GRIN2B: variants seen among roughly 807,000 people sequenced by gnomAD.
The protein encoded by GRIN2B is glutamate ionotropic receptor NMDA type subunit 2B, also known as glutamate receptor ionotropic, NMDA 2B.
In GRIN2B, 5 loss-of-function variants were observed where a neutral mutation model predicts 114.5. The ratio of observed to expected loss-of-function variants is 0.04; its 90% confidence interval spans 0.02 to 0.09. GRIN2B has a LOEUF of 0.09. Ranked by LOEUF, GRIN2B falls within the 10% of genes least tolerant of loss-of-function variation. The probability of loss-of-function intolerance (pLI) is 1.00; values close to 1 mark genes in which losing one functional copy is unlikely to be tolerated. For missense variants in GRIN2B, 1,108 were observed against 1,943.5 expected (o/e 0.57, Z 8.08); for synonymous variants, 787 against 745.1 (o/e 1.06, Z -0.92).
At chr12:13,850,491 C>G (rs1469093547) in intron 3 of GRIN2B, among the ~76,000 whole-genome samples, 1 of 152,204 alleles carries the variant, frequency 6.6e-6, no homozygotes. Flanking sequence ...AGCTGCAGCT[C>G]CCAGGCCCCA....
chr12:13,605,197 G>A (rs1949222589), intron 10 of GRIN2B, among the ~76,000 whole-genome samples: 3 of 151,946 alleles, frequency 2.0e-5, no homozygotes, highest in African/African-American at 4.8e-5. Flanking sequence ...CGGAAGATAC[G>A]TGTTATAATA....
At chr12:13,706,141 A>G (rs1221838949) in intron 4 of GRIN2B, among the ~76,000 whole-genome samples, 1 of 152,072 alleles carries the variant, frequency 6.6e-6, no homozygotes, top group South Asian at 2.1e-4. Context: ...TGCCACCAAG[A>G]CCTCTAGAGG....
intron 10 of GRIN2B, among the ~76,000 whole-genome samples, chr12:13,596,914 A>G (rs1949081101): frequency 6.6e-6 from 1 of 152,198 alleles, no homozygotes; most frequent in South Asian, 2.1e-4. Context: ...CAGAGGCTTT[A>G]TTAGATTCTG....
intron 2 of GRIN2B, among the ~76,000 whole-genome samples, chr12:13,940,945 G>T (rs1867236951): frequency 6.6e-6 from 1 of 152,018 alleles, no homozygotes; most frequent in African/African-American, 2.4e-5. Context: ...GGACTTTGGG[G>T]CTCCAATTCA....
chr12:13,781,951 TTCTG>T (rs1200219040), intron 3 of GRIN2B, among the ~76,000 whole-genome samples: 8 of 152,206 alleles, frequency 5.3e-5, no homozygotes, highest in Admixed American at 4.6e-4. Context: ...ATTGAGTCAG[TTCTG>T]TCTGACATGA....
At chr12:13,686,924 G>C (rs946391705) in intron 4 of GRIN2B, among the ~76,000 whole-genome samples, 1 of 152,146 alleles carries the variant, frequency 6.6e-6, no homozygotes, top group African/African-American at 2.4e-5. Flanking sequence ...CTCCCTTGGG[G>C]ATAAGTTCCT....
intron 3 of GRIN2B, among the ~76,000 whole-genome samples, chr12:13,756,312 C>T (rs918375878): frequency 2.6e-5 from 4 of 152,188 alleles, no homozygotes; most frequent in Non-Finnish European, 5.9e-5. Context: ...CTGCGCCCAT[C>T]CAAATTTCTG....
intron 5 of GRIN2B, among the ~76,000 whole-genome samples, chr12:13,642,050 A>T (rs966773666): frequency 6.6e-6 from 1 of 152,030 alleles, no homozygotes; most frequent in Non-Finnish European, 1.5e-5. Flanking sequence ...TTAGCTGGGC[A>T]TGGTAGCGCA....
chr12:13,940,856 T>C (rs539963500), intron 2 of GRIN2B, among the ~76,000 whole-genome samples: 1 of 151,764 alleles, frequency 6.6e-6, no homozygotes, highest in South Asian at 2.1e-4. Flanking sequence ...CCCTGACATA[T>C]ACCCCACAAT....
At chr12:13,907,719 T>A (rs1421951978) in intron 2 of GRIN2B, among the ~76,000 whole-genome samples, 1 of 152,200 alleles carries the variant, frequency 6.6e-6, no homozygotes, top group African/African-American at 2.4e-5. Context: ...GTTATACATA[T>A]GAAAAAATTC....
At chr12:13,779,300 T>C (rs576620382) in intron 3 of GRIN2B, among the ~76,000 whole-genome samples, 24 of 152,358 alleles carry the variant, frequency 1.6e-4, no homozygotes, top group African/African-American at 5.5e-4. Flanking sequence ...TGCCTCGGCC[T>C]CCCAAAGTGC....
chr12:13,960,461 T>C (rs1867668845), intron 2 of GRIN2B, among the ~76,000 whole-genome samples: 2 of 152,144 alleles, frequency 1.3e-5, no homozygotes, highest in South Asian at 4.1e-4. Context: ...CAAAAGGCTC[T>C]ACTGCCTTTT....
At chr12:13,925,297 C>T (rs755022662) in intron 2 of GRIN2B, among the ~76,000 whole-genome samples, 7 of 151,936 alleles carry the variant, frequency 4.6e-5, no homozygotes, top group Non-Finnish European at 8.8e-5. Flanking sequence ...TCCTATTTTA[C>T]GAAGCATAAC....
At position 13,555,078 on chromosome 12, in the gene GRIN2B, C is replaced by T. The variant is rs538344933; in HGVS notation, c.*7705G>A. ...GAAATCATAGAAGACAGAAAGATTG[C>T]TACAGAAGCATTAAGATAAGGAGAA... On this transcript the variant is annotated 3_prime_UTR_variant, in exon 14 of 14. Coordinates refer to ENST00000609686, the MANE Select transcript of GRIN2B (RefSeq NM_000834.5). 1 of 152,154 alleles carries T rather than the reference C, an allele frequency of 6.6e-6. No homozygotes were observed. The highest frequency in any genetic ancestry group is 2.4e-5 in the African/African-American group (1 of 41,526). The allele number at this position is 152,154 out of a possible 1,614,324, so 9.4% of individuals were successfully genotyped here. A position where few individuals can be genotyped will look rare whatever the true frequency, so the allele number is the denominator to read the frequency against.
At chr12:13,936,491 T>C (rs1867132573) in intron 2 of GRIN2B, among the ~76,000 whole-genome samples, 1 of 152,112 alleles carries the variant, frequency 6.6e-6, no homozygotes, top group Non-Finnish European at 1.5e-5. Context: ...ACTTGGAAAA[T>C]GCCATGAGTT....
chr12:13,718,548 A>T (rs2268117), intron 4 of GRIN2B, among the ~76,000 whole-genome samples: 17,852 of 152,094 alleles, frequency 0.12, 1,432 homozygotes, highest in East Asian at 0.3. Flanking sequence ...TTTGCCCTAC[A>T]GCATTTTTAT....
intron 3 of GRIN2B, among the ~76,000 whole-genome samples, chr12:13,827,105 G>A (rs1865052038): frequency 6.7e-6 from 1 of 150,370 alleles, no homozygotes; most frequent in East Asian, 2.0e-4. Flanking sequence ...GAAGTCTGCT[G>A]CTATTTTAAC....
intron 2 of GRIN2B, among the ~76,000 whole-genome samples, chr12:13,923,012 T>C (rs1005621982): frequency 5.9e-5 from 9 of 152,192 alleles, no homozygotes; most frequent in Non-Finnish European, 1.3e-4. Flanking sequence ...AATAAAAAAC[T>C]ATTAATTCCT....
intron 2 of GRIN2B, among the ~76,000 whole-genome samples, chr12:13,887,799 C>G (rs12817922): frequency 6.6e-6 from 1 of 152,162 alleles, no homozygotes; most frequent in Non-Finnish European, 1.5e-5. Context: ...GGGTGAGTAG[C>G]TCTTAGGCAT....
Sources: allele counts gnomAD v4.1 joint callset (sites outside exome capture counted in the v4.1 genomes callset), GRCh38; gene constraint gnomAD v4.1.1; transcripts MANE v1.5; gene names NCBI Gene and HGNC (gene_info 2026-07-23, HGNC 2026-07-21).